Variants in UVRAG observed in about 807,000 individuals in gnomAD.
The protein encoded by UVRAG is UV radiation resistance associated.
UVRAG carries 19 observed loss-of-function variants against 78.0 expected under a neutral mutation model. The ratio of observed to expected loss-of-function variants is 0.24; its 90% CI spans 0.17 to 0.36. UVRAG has a LOEUF of 0.36. Among genes scored for constraint, UVRAG ranks in the 10% least tolerant of loss-of-function variants. UVRAG has a pLI of 1.00. For synonymous variants in UVRAG, 323 were observed against 324.6 expected (o/e 1.00, Z 0.05); for missense variants, 740 against 853.8 (o/e 0.87, Z 1.66).
chr11:75,907,370 T>C (rs1337184384), intron 5 of UVRAG, among the ~76,000 whole-genome samples: 1 of 151,772 alleles, frequency 6.6e-6, no homozygotes, highest in African/African-American at 2.4e-5. Flanking sequence ...TTATCAGGTC[T>C]GGGAAATTCC....
chr11:75,927,693 G>GA (rs1412638755), intron 6 of UVRAG, among the ~76,000 whole-genome samples: 3 of 152,038 alleles, frequency 2.0e-5, no homozygotes, highest in African/African-American at 4.8e-5. Flanking sequence ...ACAAAGACTT[G>GA]AAAAAAATTA....
chr11:76,069,610 A>G lies in UVRAG; in HGVS notation c.1305+3822A>G, dbSNP rs138094111. ...TTAAATGGAAAACAAAAATTATAAT[A>G]CTTTTATCTTATATTTGTGGGAGCC... On this transcript the variant is annotated intron_variant, in intron 13 of 14. Coordinates refer to ENST00000356136, the MANE Select transcript of UVRAG (RefSeq NM_003369.4). 6.6e-5 allele frequency among the ~76,000 whole-genome samples: 10 copies of G among 152,344 alleles called. No individual in the cohort carries two copies. The East Asian group carries it at 1.9e-3, about 29-fold the overall frequency.
At chr11:75,880,241 C>T (rs887604572) in intron 4 of UVRAG, among the ~76,000 whole-genome samples, 2 of 152,140 alleles carry the variant, frequency 1.3e-5, no homozygotes, top group Non-Finnish European at 2.9e-5. Flanking sequence ...ATGTTTGAAT[C>T]ATTGCCTAGT....
intron 6 of UVRAG, among the ~76,000 whole-genome samples, chr11:75,917,940 C>T (rs1947893615): frequency 6.6e-6 from 1 of 152,152 alleles, no homozygotes; most frequent in African/African-American, 2.4e-5. Flanking sequence ...AGTTAAGTAA[C>T]TTCACCAAGG....
chr11:75,928,364 A>C (rs1948157285), intron 6 of UVRAG, among the ~76,000 whole-genome samples: 1 of 152,242 alleles, frequency 6.6e-6, no homozygotes, highest in African/African-American at 2.4e-5. Flanking sequence ...AGAGGATGAT[A>C]GAACAGAGGA....
At chr11:75,828,731 GTATATATATATATATACACACACATA>G (rs1310470210) in intron 1 of UVRAG, among the ~76,000 whole-genome samples, 15,394 of 110,508 alleles carry the variant, frequency 0.14, 1,101 homozygotes, top group East Asian at 0.26. Flanking sequence ...ATGTGTGTGT[GTATATATATATATATACACACACATA>G]TATATATATA....
At chr11:76,136,970 C>T (rs897935589) in intron 14 of UVRAG, among the ~76,000 whole-genome samples, 3 of 152,048 alleles carry the variant, frequency 2.0e-5, no homozygotes, top group Non-Finnish European at 4.4e-5. Flanking sequence ...ATTAAAAATA[C>T]ATGTGTGTTT....
intron 13 of UVRAG, among the ~76,000 whole-genome samples, chr11:76,077,971 A>G (rs1349519497): frequency 6.6e-6 from 1 of 152,214 alleles, no homozygotes; most frequent in Non-Finnish European, 1.5e-5. Flanking sequence ...CCAAAGCACC[A>G]CCATGAGTGA....
chr11:75,893,333 G>A (rs939014386), intron 5 of UVRAG, among the ~76,000 whole-genome samples: 6 of 152,054 alleles, frequency 3.9e-5, no homozygotes, highest in Non-Finnish European at 8.8e-5. Flanking sequence ...GAAGTAGGCA[G>A]AAAGATGGGC....
intron 12 of UVRAG, among the ~76,000 whole-genome samples, chr11:76,055,692 T>C (rs1950968815): frequency 6.6e-6 from 1 of 152,180 alleles, no homozygotes; most frequent in African/African-American, 2.4e-5. Flanking sequence ...TGAGGTAAAA[T>C]TTATATGTAA....
intron 13 of UVRAG, among the ~76,000 whole-genome samples, chr11:76,098,068 G>GT (rs528585883): frequency 1.3e-4 from 19 of 150,426 alleles, no homozygotes; most frequent in African/African-American, 3.7e-4. Context: ...TTGTTTTTTT[G>GT]TTTTTTTGGT....
chr11:75,974,467 C>T lies in UVRAG; in HGVS notation c.700-8920C>T, dbSNP rs560716437. 1.8e-4 allele frequency among the ~76,000 whole-genome samples: 27 copies of T among 149,704 alleles called. No individual in the cohort carries two copies. The South Asian group carries it at 1.9e-3, about 11-fold the overall frequency. On this transcript the variant is annotated intron_variant, in intron 7 of 14. Transcript: ENST00000356136. The stretch of plus-strand genomic sequence containing the variant: ...CTGCAAGCTCCGCTTCCCGGGTTCA[C>T]GCCATTCTCCTGCCTCAGCCTCCCG...
chr11:76,113,965 T>C (rs894326854), intron 13 of UVRAG, among the ~76,000 whole-genome samples: 1 of 152,204 alleles, frequency 6.6e-6, no homozygotes, highest in Non-Finnish European at 1.5e-5. Flanking sequence ...AAATTTTCAC[T>C]GTGGTCTCTG....
intron 5 of UVRAG, among the ~76,000 whole-genome samples, chr11:75,895,374 A>G (rs1403247905): frequency 2.0e-5 from 3 of 152,194 alleles, no homozygotes; most frequent in Non-Finnish European, 4.4e-5. Context: ...TGCTTCTCCC[A>G]AAGGCTTTAC....
intron 1 of UVRAG, among the ~76,000 whole-genome samples, chr11:75,820,031 G>T (rs2135800729): frequency 6.6e-6 from 1 of 152,250 alleles, no homozygotes; most frequent in Middle Eastern, 3.4e-3. Context: ...CTGTTGCCCA[G>T]CCTGGAGTGC....
chr11:75,845,952 T>C (rs570674592), intron 1 of UVRAG, among the ~76,000 whole-genome samples: 1 of 152,212 alleles, frequency 6.6e-6, no homozygotes. Flanking sequence ...AAAGAGTGAT[T>C]CCAAAGTTTG....
intron 6 of UVRAG, among the ~76,000 whole-genome samples, chr11:75,959,601 T>C (rs1948871575): frequency 6.6e-6 from 1 of 152,214 alleles, no homozygotes; most frequent in South Asian, 2.1e-4. Flanking sequence ...TAAAACTCTT[T>C]CCGCATCAGC....
At chr11:75,981,255 G>T (rs1214201396) in intron 7 of UVRAG, among the ~76,000 whole-genome samples, 1 of 151,954 alleles carries the variant, frequency 6.6e-6, no homozygotes, top group Non-Finnish European at 1.5e-5. Flanking sequence ...GGGATTACAG[G>T]TGCCCACTAC....
chr11:75,935,296 C>T (rs928845574), intron 6 of UVRAG, among the ~76,000 whole-genome samples: 6 of 152,154 alleles, frequency 3.9e-5, no homozygotes, highest in African/African-American at 1.4e-4. Context: ...TGTGGGAGCT[C>T]TTCTCCAAGG....
Sources: allele counts gnomAD v4.1 joint callset (sites outside exome capture counted in the v4.1 genomes callset), GRCh38; gene constraint gnomAD v4.1.1; transcripts MANE v1.5; gene names NCBI Gene and HGNC (gene_info 2026-07-23, HGNC 2026-07-21).